Variants in MYH11 observed in about 807,000 individuals in gnomAD.
MYH11 encodes myosin-11.
MYH11 carries 80 observed loss-of-function variants against 246.6 expected under a neutral mutation model. The ratio of observed to expected loss-of-function variants is 0.32; its 90% confidence interval spans 0.27 to 0.39. MYH11 has a LOEUF of 0.39. Ranked by LOEUF, MYH11 falls within the 10% of genes least tolerant of loss-of-function variation. The pLI is 1.00. For synonymous variants in MYH11, 1,071 were observed against 1,015.5 expected, an observed-to-expected ratio of 1.05 and a Z score of -1.04; for missense variants, 2,158 against 2,546.8, an observed-to-expected ratio of 0.85 and a Z score of 3.29.
At chr16:15,784,777 T>C (rs1369463768) in intron 5 of MYH11, 10 of 1,596,986 alleles carry the variant, frequency 6.3e-6, no homozygotes, top group Non-Finnish European at 8.6e-6. Flanking sequence ...CACATGGACA[T>C]CAGGGGCTGG....
intron 40 of MYH11, among the ~76,000 whole-genome samples, chr16:15,707,726 T>C (rs946274506): frequency 1.3e-5 from 2 of 152,054 alleles, no homozygotes; most frequent in African/African-American, 4.8e-5. Context: ...AATCCCAGCA[T>C]TTGGGGAGGC....
rs2041538380 is a variant in MYH11, at chr16:15,750,470, G to C, written c.1865-139C>G. 1.2e-6 allele frequency: 1 copy of C among 841,888 alleles called. No individual in the cohort carries two copies. Among genetic ancestry groups the C allele is most frequent in the Non-Finnish European group, 1.9e-6 (1 of 530,076 alleles). 52.2% of individuals were successfully genotyped at this position (841,888 alleles called of 1,614,324 possible). A position where few individuals can be genotyped will look rare whatever the true frequency, so the allele number is the denominator to read the frequency against. ...CACCAACGCCTCCTTCGGCAGTCAG[G>C]GTTTCCAAGTATTGTCTATTGGGGA... On this transcript the variant is annotated intron_variant, in intron 15 of 40. Transcript: ENST00000300036. This position sits in a 1 kb window ranked among gnomAD's most constrained non-coding sequence, Gnocchi z 4.3.
chr16:15,787,832 T>C (rs1300546554), intron 4 of MYH11, among the ~76,000 whole-genome samples: 1 of 152,146 alleles, frequency 6.6e-6, no homozygotes, highest in East Asian at 1.9e-4. Context: ...AGCTCCCTTA[T>C]GGAAAGAAAA....
In MYH11 at chr16:15,792,139, A is replaced by G. The variant is rs372268034; in HGVS notation, c.531-5407T>C. 1.7e-4 allele frequency: 26 copies of G among 152,256 alleles called. No individual in the cohort carries two copies. The East Asian group carries it at 3.3e-3, about 19-fold the overall frequency. The allele number at this position is 152,256 out of a possible 1,614,324, so 9.4% of individuals were successfully genotyped here. On this transcript the variant is annotated intron_variant, in intron 4 of 40. Transcript: ENST00000300036. ...AGTGGCACAATCTTGACTCACTGCA[A>G]TCTCGAACTCCTGGGTTCAAGTGAC...
At chr16:15,812,702 G>A (rs748842441) in intron 3 of MYH11, among the ~76,000 whole-genome samples, 5 of 148,596 alleles carry the variant, frequency 3.4e-5, no homozygotes, top group African/African-American at 1.3e-4. Context: ...GTGAAATCCC[G>A]TCTCCACAAA....
At chr16:15,838,327 C>A in intron 1 of MYH11, 58 bp from the exon 2 acceptor site, 1 of 1,373,898 alleles carries the variant, frequency 7.3e-7, no homozygotes, top group Non-Finnish European at 1.0e-6. Context: ...GAAGACAGAC[C>A]AACCACTCAC....
At chr16:15,758,716 C>T (rs1208514851) in intron 12 of MYH11, among the ~76,000 whole-genome samples, 1 of 151,460 alleles carries the variant, frequency 6.6e-6, no homozygotes, top group Non-Finnish European at 1.5e-5. Flanking sequence ...AGGAGAATCA[C>T]TTGAACCTGG....
intron 9 of MYH11, among the ~76,000 whole-genome samples, chr16:15,771,002 T>G (rs1430138370): frequency 6.6e-6 from 1 of 151,640 alleles, no homozygotes; most frequent in Non-Finnish European, 1.5e-5. Flanking sequence ...TCCTGAACTT[T>G]TTTTTTTTTT....
At chr16:15,793,485 G>T (rs550527300) in intron 4 of MYH11, among the ~76,000 whole-genome samples, 13 of 152,070 alleles carry the variant, frequency 8.5e-5, no homozygotes, top group Non-Finnish European at 1.6e-4. Flanking sequence ...TAGTAATGGG[G>T]TCTTACTGTG....
intron 1 of MYH11, among the ~76,000 whole-genome samples, chr16:15,842,296 G>T (rs2044073389): frequency 6.6e-6 from 1 of 152,086 alleles, no homozygotes; most frequent in Non-Finnish European, 1.5e-5. Context: ...TGAGGCAGGA[G>T]AATCACTTGA....
chr16:15,798,942 C>T (rs944486956), intron 3 of MYH11, among the ~76,000 whole-genome samples: 1 of 152,188 alleles, frequency 6.6e-6, no homozygotes, highest in Non-Finnish European at 1.5e-5. Context: ...CATTAGCATC[C>T]AGCCACATCA....
intron 10 of MYH11, among the ~76,000 whole-genome samples, chr16:15,763,504 A>G (rs1441678712): frequency 6.6e-6 from 1 of 152,150 alleles, no homozygotes; most frequent in African/African-American, 2.4e-5. Context: ...CTTGGGCAAC[A>G]CAGCGAGACC....
intron 3 of MYH11, among the ~76,000 whole-genome samples, chr16:15,805,325 T>C (rs1409172909): frequency 6.6e-6 from 1 of 152,178 alleles, no homozygotes; most frequent in Non-Finnish European, 1.5e-5. Flanking sequence ...GTGGTTCCCA[T>C]GGTCCACAGG....
chr16:15,725,462 A>T lies in MYH11; in HGVS notation c.3859-470T>A, dbSNP rs74009413. The T allele has an allele frequency of 2.7e-4, 114 of 420,726 alleles. No homozygotes were observed. Among genetic ancestry groups the T allele is most frequent in the Non-Finnish European group, 3.7e-4 (91 of 246,494 alleles). 26.1% of individuals were successfully genotyped at this position (420,726 alleles called of 1,614,324 possible). On this transcript the variant is annotated intron_variant, in intron 28 of 40. Transcript: ENST00000300036. ...CTTCCTTCCTCACTCCTACTCTTTGACCCTGATGGCCAAAGCCAGAGACGC... is the reference window on the plus strand; with the variant it reads ...CTTCCTTCCTCACTCCTACTCTTTGTCCCTGATGGCCAAAGCCAGAGACGC...
Position 15,727,008 on chromosome 16 carries a change from TTC to T in MYH11, c.3696_3697del (p.Asn1233ArgfsTer20). 6.2e-7 allele frequency: 1 copy of T among 1,611,982 alleles called. No individual in the cohort carries two copies. On this transcript the variant is annotated frameshift_variant, in exon 28 of 41. Coordinates refer to ENST00000300036, the MANE Select transcript of MYH11 (RefSeq NM_002474.3). LOFTEE classifies it high-confidence loss of function. ...CCGCAGCTCCCCGGCCAGGTCTGCGTTCTCTTTCTCCAGCGTCTGCTTATTCT... is the reference window on the plus strand; with the variant it reads ...CCGCAGCTCCCCGGCCAGGTCTGCGTTCTTTCTCCAGCGTCTGCTTATTCT...
intron 2 of MYH11, among the ~76,000 whole-genome samples, chr16:15,834,823 G>A (rs780006140): frequency 1.2e-4 from 18 of 151,918 alleles, no homozygotes; most frequent in South Asian, 1.0e-3. Context: ...TAATCCCAGC[G>A]CCGTGAAAAG....
At chr16:15,722,084 C>T (rs1184768368) in intron 31 of MYH11, among the ~76,000 whole-genome samples, 1 of 152,126 alleles carries the variant, frequency 6.6e-6, no homozygotes, top group Non-Finnish European at 1.5e-5. Context: ...TCTCGAACTC[C>T]TGACCCTCAA....
chr16:15,741,329 G>T, intron 22 of MYH11, 134 bp downstream of exon 22: 3 of 1,023,462 alleles, frequency 2.9e-6, no homozygotes, highest in Non-Finnish European at 4.6e-6. Context: ...TTGATCAGAT[G>T]ACCAACCCTC....
At chr16:15,804,158 C>G (rs1357659285) in intron 3 of MYH11, among the ~76,000 whole-genome samples, 1 of 152,156 alleles carries the variant, frequency 6.6e-6, no homozygotes, top group Non-Finnish European at 1.5e-5. Context: ...CTTCTCTGGC[C>G]TAATCCATTC....
Sources: gnomAD v4.1 joint callset for allele counts (sites outside exome capture counted in the v4.1 genomes callset) on GRCh38, gnomAD v4.1.1 for gene constraint, Gnocchi (gnomAD v3.1) non-coding constraint, MANE v1.5 for transcripts, NCBI Gene and HGNC (gene_info 2026-07-23, HGNC 2026-07-21) for gene names.